NEIL1: variants seen among roughly 807,000 people sequenced by gnomAD.
The protein encoded by NEIL1 is endonuclease 8-like 1.
NEIL1 carries 31 observed loss-of-function variants against 44.2 expected under a neutral mutation model. That is an observed-to-expected ratio of 0.70 (90% CI 0.53 to 0.95). The LOEUF is 0.95. Among genes scored for constraint, NEIL1 ranks in the 40% least tolerant of loss-of-function variants. The pLI is 0.00. For missense variants in NEIL1, 549 were observed against 515.5 expected, an observed-to-expected ratio of 1.07 and a Z score of -0.63; for synonymous variants, 254 against 209.7, an observed-to-expected ratio of 1.21 and a Z score of -1.83.
At chr15:75,350,365 T>C (rs1309820560) in intron 2 of NEIL1, among the ~76,000 whole-genome samples, 1 of 152,176 alleles carries the variant, frequency 6.6e-6, no homozygotes, top group East Asian at 1.9e-4. Context: ...AATGGACCCA[T>C]GCCTTAGGAA....
Position 75,356,079 on chromosome 15 carries a change from A to G in NEIL1, c.*1045A>G, listed in dbSNP as rs2072283582. The G allele has an allele frequency of 3.1e-6, 5 of 1,612,326 alleles. No individual in the cohort carries two copies. Among genetic ancestry groups the G allele is most frequent in the Non-Finnish European group, 4.2e-6 (5 of 1,179,348 alleles). The stretch of plus-strand genomic sequence containing the variant: ...GAAGGCTCTGCGAGGGCGAGACTCG[A>G]CCCCCGCCCCAATCCCACACCGCCA... On this transcript the variant is annotated 3_prime_UTR_variant, in exon 10 of 10. Coordinates refer to ENST00000355059, the MANE Select transcript of NEIL1 (RefSeq NM_024608.4). The surrounding 1 kb of genome is among the most constrained non-coding windows in gnomAD (Gnocchi z 5.8).
Position 75,349,059 on chromosome 15 carries a change from C to G in NEIL1, c.154C>G (p.Arg52Gly), listed in dbSNP as rs1273874395. Residue 52 changes from arginine (R) to glycine (G), a missense_variant, in exon 2 of 10, where the codon CGC becomes GGC. Coordinates refer to ENST00000355059, the MANE Select transcript of NEIL1 (RefSeq NM_024608.4). ...TGCCTACCGCATCTCAGCTTCAGCC[C>G]GCGGCAAGGAGCTGCGCCTGATACT... Reference protein sequence around the residue: ...SSAYRISASARGKELRLILSP... With the variant: ...SSAYRISASAGGKELRLILSP... The G allele has an allele frequency of 6.2e-7, 1 of 1,613,418 alleles. No individual in the cohort carries two copies. The highest frequency in any genetic ancestry group is 8.5e-7 in the Non-Finnish European group (1 of 1,179,998).
In NEIL1 at chr15:75,352,622, C is replaced by A. The variant is rs777702732; in HGVS notation, c.639C>A (p.Ser213Arg). The A allele has an allele frequency of 6.2e-7, 1 of 1,613,320 alleles. No homozygotes were observed. The highest frequency in any genetic ancestry group is 2.2e-5 in the East Asian group (1 of 44,818). The change falls in exon 5 of 10, where the codon AGC (serine) becomes AGA (arginine). Residue 213 changes from serine (S) to arginine (R), a missense_variant. Coordinates refer to ENST00000355059, the MANE Select transcript of NEIL1 (RefSeq NM_024608.4). ...CTCAGAGCCCGGAGCTGACCCTGAG[C>A]CAGAAGATAAGGACCAAGCTGCAGA... is the stretch of plus-strand genomic sequence containing the variant. ...QHRPSPELTLSQKIRTKLQNP... is the reference protein window; with the variant it reads ...QHRPSPELTLRQKIRTKLQNP...
intron 5 of NEIL1, 80 bp from the exon 6 acceptor site, chr15:75,353,658 CT>C (rs1399143090): frequency 6.7e-7 from 1 of 1,483,540 alleles, no homozygotes; most frequent in East Asian, 2.3e-5. Context: ...TAGCTGAGGT[CT>C]GGGCCAGGTC....
At chr15:75,349,389 A>G (rs2141309779) in intron 2 of NEIL1, 50 bp downstream of exon 2, 1 of 1,519,474 alleles carries the variant, frequency 6.6e-7, no homozygotes, top group Non-Finnish European at 8.9e-7. Flanking sequence ...TCCACACCTG[A>G]CTCTCTTAGT....
At chr15:75,353,096 CGT>C in intron 5 of NEIL1, 3 of 186,902 alleles carry the variant, frequency 1.6e-5, no homozygotes, top group Non-Finnish European at 3.4e-5. Context: ...GAGCTGAGAT[CGT>C]GCCATTGCAC....
chr15:75,356,411 T>C lies in NEIL1; in HGVS notation c.*1377T>C. Reference sequence around the variant, plus strand: ...AGAGCCAACAGGGGGAAGTTTAGGCTGTAGGCAGCTTGGATAACGCCAGCA... The same window carrying C: ...AGAGCCAACAGGGGGAAGTTTAGGCCGTAGGCAGCTTGGATAACGCCAGCA... On this transcript the variant is annotated 3_prime_UTR_variant, in exon 10 of 10. Coordinates refer to ENST00000355059, the MANE Select transcript of NEIL1 (RefSeq NM_024608.4). This position sits in a 1 kb window ranked among gnomAD's most constrained non-coding sequence, Gnocchi z 5.8. 4 of 1,609,266 alleles carry C rather than the reference T, an allele frequency of 2.5e-6. No homozygotes were observed. The highest frequency in any genetic ancestry group is 3.4e-6 in the Non-Finnish European group (4 of 1,178,314).
rs1177825779 is a variant in NEIL1 at position 75,351,283 on chromosome 15, T to TC, written c.435-828_435-827insC. On this transcript the variant is annotated intron_variant, in intron 2 of 9. Transcript: ENST00000355059. ...ATACAACCTCATGTTGCTTTTTTTTTTTTTTTTTTTGAGACAGGGTCTCGC... is the reference window on the plus strand; with the variant it reads ...ATACAACCTCATGTTGCTTTTTTTTTCTTTTTTTTTTGAGACAGGGTCTCGC... 8.9e-6 allele frequency: 4 copies of TC among 450,194 alleles called. No individual in the cohort carries two copies. The East Asian group carries it at 2.1e-4, about 24-fold the overall frequency. 27.9% of individuals were successfully genotyped at this position (450,194 alleles called of 1,614,324 possible).
chr15:75,347,670 A>C, intron 1 of NEIL1, 197 bp downstream of exon 1: 2 of 305,404 alleles, frequency 6.5e-6, no homozygotes, highest in Non-Finnish European at 9.8e-6. Flanking sequence ...GTTCCCGGGG[A>C]GGGGGCGTGC....
intron 3 of NEIL1, 26 bp from the exon 4 acceptor site, chr15:75,352,298 C>G: frequency 6.2e-7 from 1 of 1,614,100 alleles, no homozygotes; most frequent in South Asian, 1.1e-5. Flanking sequence ...CACTGCCTAG[C>G]ATGGCTTGCC....
Position 75,349,015 on chromosome 15 carries a change from A to C in NEIL1, c.110A>C (p.Glu37Ala). The change falls in exon 2 of 10, where the codon GAG becomes GCG. Residue 37 changes from glutamate to alanine, a missense_variant. By Grantham distance (107) the Glu-to-Ala change is moderately radical. Transcript: ENST00000355059. ...AAGTCCTCTGTCAGCCGCAACCCTGAGGTGCCCTTTGAGAGCAGTGCCTAC... is the reference window on the plus strand; with the variant it reads ...AAGTCCTCTGTCAGCCGCAACCCTGCGGTGCCCTTTGAGAGCAGTGCCTAC... ...VEKSSVSRNP[E>A]VPFESSAYRI... 1 of 1,613,796 alleles carries C rather than the reference A, an allele frequency of 6.2e-7. No homozygotes were observed. The highest frequency in any genetic ancestry group is 1.1e-5 in the South Asian group (1 of 91,088).
At position 75,348,944 on chromosome 15, in the gene NEIL1, T is replaced by C. The variant is rs1422617415; in HGVS notation, c.39T>C (p.Phe13=). ...EGPELHLASQ[F]VNEACRALVF... ...CCGAGCTGCACCTGGCCAGCCAGTT[T>C]GTGAATGAGGCCTGCAGGGCGCTGG... The change falls in exon 2 of 10, where the codon TTT becomes TTC. Residue 13 remains phenylalanine (F), a synonymous_variant. Transcript: ENST00000355059. The C allele has an allele frequency of 6.2e-7, 1 of 1,613,266 alleles. No individual in the cohort carries two copies.
intron 2 of NEIL1, among the ~76,000 whole-genome samples, chr15:75,350,964 C>CA (rs1213479740): frequency 2.6e-5 from 4 of 152,142 alleles, no homozygotes; most frequent in African/African-American, 9.7e-5. Context: ...CCCTTTTCCG[C>CA]AAAGAAACAA....
chr15:75,350,942 G>A (rs1567237696), intron 2 of NEIL1, among the ~76,000 whole-genome samples: 1 of 152,140 alleles, frequency 6.6e-6, no homozygotes, highest in Non-Finnish European at 1.5e-5. Flanking sequence ...CCATTAGTCA[G>A]TCTTGCCATG....
intron 2 of NEIL1, among the ~76,000 whole-genome samples, chr15:75,351,578 C>T (rs986993036): frequency 2.0e-5 from 3 of 151,990 alleles, no homozygotes; most frequent in Non-Finnish European, 4.4e-5. Flanking sequence ...CCTCAAGTTA[C>T]TTTAGATCAG....
chr15:75,350,480 G>A (rs1567236546), intron 2 of NEIL1, among the ~76,000 whole-genome samples: 1 of 152,164 alleles, frequency 6.6e-6, no homozygotes, highest in Non-Finnish European at 1.5e-5. Flanking sequence ...TGATGAGAAG[G>A]AGCCAGCCAG....
In NEIL1 at chr15:75,354,286, C is replaced by T. The variant is rs781775124; in HGVS notation, c.874+9C>T. 12 of 1,614,122 alleles carry T rather than the reference C, an allele frequency of 7.4e-6. No homozygotes were observed. The highest frequency in any genetic ancestry group is 1.6e-4 in the Middle Eastern group (1 of 6,062). On this transcript the variant is annotated intron_variant, in intron 7 of 9. Transcript: ENST00000355059. Reference sequence around the variant, plus strand: ...ACCGTTGGCACCCAAAGGTAAGCTACTCCTAATGTAATAGGCTAAGAGAGC... The same window carrying T: ...ACCGTTGGCACCCAAAGGTAAGCTATTCCTAATGTAATAGGCTAAGAGAGC...
intron 5 of NEIL1, chr15:75,353,416 G>A (rs1299928688): frequency 1.1e-5 from 4 of 356,202 alleles, no homozygotes; most frequent in African/African-American, 6.3e-5. Flanking sequence ...TGTAGAGACA[G>A]GGTCTCCCTA....
rs1196193885 is a variant in NEIL1, at chr15:75,356,209, C to A, written c.*1175C>A. 1.2e-6 allele frequency: 2 copies of A among 1,613,256 alleles called. No individual in the cohort carries two copies. Among genetic ancestry groups the A allele is most frequent in the African/African-American group, 2.7e-5 (2 of 75,052 alleles). ...CAGGACCAGCGAGCGGCGCTGGGGG[C>A]TGCTCTCCGCCTGCAGAGGAACACG... On this transcript the variant is annotated 3_prime_UTR_variant, in exon 10 of 10. Transcript: ENST00000355059. The surrounding 1 kb of genome is among the most constrained non-coding windows in gnomAD (Gnocchi z 5.8).
Sources: gnomAD v4.1 joint callset for allele counts (sites outside exome capture counted in the v4.1 genomes callset) on GRCh38, gnomAD v4.1.1 for gene constraint, Gnocchi (gnomAD v3.1) non-coding constraint, MANE v1.5 for transcripts, NCBI Gene and HGNC (gene_info 2026-07-23, HGNC 2026-07-21) for gene names.